IFI16: variants seen among roughly 807,000 people sequenced by gnomAD.
IFI16 encodes the protein interferon gamma inducible protein 16.
Under a neutral mutation model 68.4 loss-of-function variants are expected in IFI16, and 49 were observed. The ratio of observed to expected loss-of-function variants is 0.72; its 90% CI spans 0.57 to 0.91. The LOEUF (loss-of-function observed/expected upper bound fraction) is 0.91. Among genes scored for constraint, IFI16 ranks in the 40% least tolerant of loss-of-function variants. The pLI is 0.00. For synonymous variants in IFI16, 307 were observed against 315.0 expected, an observed-to-expected ratio of 0.97 and a Z score of 0.27; for missense variants, 878 against 942.9, an observed-to-expected ratio of 0.93 and a Z score of 0.90.
intron 4 of IFI16, 78 bp downstream of exon 4, chr1:159,016,778 A>T: frequency 7.7e-7 from 1 of 1,291,340 alleles, no homozygotes; most frequent in South Asian, 1.3e-5. Context: ...TTACTTAAAA[A>T]TTGCATCGAT....
intron 7 of IFI16, among the ~76,000 whole-genome samples, chr1:159,038,294 C>T (rs771504054): frequency 5.3e-5 from 8 of 151,984 alleles, no homozygotes; most frequent in South Asian, 4.1e-4. Flanking sequence ...GTTGGGTGTT[C>T]GAAACCATAA....
upstream of IFI16, among the ~76,000 whole-genome samples, chr1:159,008,175 G>A (rs1266260843): frequency 6.6e-6 from 1 of 152,032 alleles, no homozygotes; most frequent in African/African-American, 2.4e-5. Context: ...TTCAAAAATA[G>A]GTACATAATT....
At chr1:159,032,026 A>G (rs541840334) in intron 6 of IFI16, among the ~76,000 whole-genome samples, 183 of 152,316 alleles carry the variant, frequency 1.2e-3, no homozygotes, top group African/African-American at 4.2e-3. Context: ...ATGGAAAAAT[A>G]TTTCTTATTC....
At chr1:159,042,369 T>A (rs1221734167) in intron 7 of IFI16, among the ~76,000 whole-genome samples, 1 of 152,206 alleles carries the variant, frequency 6.6e-6, no homozygotes, top group Non-Finnish European at 1.5e-5. Context: ...TATTTTTTCC[T>A]GAATAATAAA....
chr1:159,004,988 A>C (rs935585033), upstream of IFI16, among the ~76,000 whole-genome samples: 1 of 152,238 alleles, frequency 6.6e-6, no homozygotes, highest in African/African-American at 2.4e-5. Flanking sequence ...AATAATGTTG[A>C]AACTTAGTAC....
chr1:159,027,378 CG>C (rs1653734389), intron 6 of IFI16, among the ~76,000 whole-genome samples: 1 of 152,088 alleles, frequency 6.6e-6, no homozygotes, highest in Non-Finnish European at 1.5e-5. Flanking sequence ...GGTATGAAAC[CG>C]ACTTGATCAT....
At position 159,053,466 on chromosome 1, in the gene IFI16, G is replaced by A. The variant is rs41264449; in HGVS notation, c.2086-67G>A. The stretch of plus-strand genomic sequence containing the variant: ...AGACAAAAGTTTCCAGAAACACCCT[G>A]TATTTCTCATAGATTTGAAAATTAT... On this transcript the variant is annotated intron_variant, in intron 10 of 11. Transcript: ENST00000295809. 2.5e-3 allele frequency: 2,939 copies of A among 1,196,924 alleles called. 11 individuals are homozygous for A. The highest frequency in any genetic ancestry group is 3.2e-3 in the Non-Finnish European group (2,611 of 825,514). The allele number at this position is 1,196,924 out of a possible 1,614,324, so 74.1% of individuals were successfully genotyped here. A position where few individuals can be genotyped will look rare whatever the true frequency, so the allele number is the denominator to read the frequency against.
At chr1:159,040,407 T>G (rs1273431074) in intron 7 of IFI16, among the ~76,000 whole-genome samples, 1 of 152,326 alleles carries the variant, frequency 6.6e-6, no homozygotes, top group East Asian at 1.9e-4. Context: ...TGATAGAGGA[T>G]GAGTTCAGAG....
At chr1:159,040,303 A>T (rs535873828) in intron 7 of IFI16, among the ~76,000 whole-genome samples, 1 of 152,330 alleles carries the variant, frequency 6.6e-6, no homozygotes, top group African/African-American at 2.4e-5. Flanking sequence ...ACTAAATATC[A>T]TATTGCTTAA....
In IFI16 at chr1:159,036,358, T is replaced by C. The variant is rs532439272; in HGVS notation, c.1329+3667T>C. On this transcript the variant is annotated intron_variant, in intron 7 of 11. Coordinates refer to ENST00000295809, the MANE Select transcript of IFI16 (RefSeq NM_001376587.1). The stretch of plus-strand genomic sequence containing the variant: ...AAATGTAAATTATGTGCACTTTATG[T>C]AGTTTTTCTTATTCATTCTTCCTTA... Among the ~76,000 whole-genome samples the C allele has an allele frequency of 1.1e-4, 16 of 152,346 alleles. No individual in the cohort carries two copies. The South Asian group carries it at 3.3e-3, about 32-fold the overall frequency.
At chr1:159,001,013 G>C (rs1652039988), upstream of IFI16, among the ~76,000 whole-genome samples, 1 of 152,126 alleles carries the variant, frequency 6.6e-6, no homozygotes. Flanking sequence ...GTGCAAGTCA[G>C]GAAGGGAAAG....
intron 9 of IFI16, among the ~76,000 whole-genome samples, chr1:159,051,199 G>A (rs550154581): frequency 3.9e-5 from 6 of 152,156 alleles, no homozygotes; most frequent in Admixed American, 2.6e-4. Flanking sequence ...GAAGTATGGA[G>A]GCAAGAAGGG....
rs748916757 is a variant in IFI16 at position 159,032,552 on chromosome 1, A to T, written c.1190A>T (p.Asn397Ile). ...QIKKKTNPRN[N>I]DPKSMKLPQE... ...AAGAAAAAAACAAACCCGAGAAACA[A>T]TGACCCCAAGAGCATGAAGCTACCC... Residue 397 changes from asparagine to isoleucine, a missense_variant, in exon 7 of 12, where the codon AAT (asparagine) becomes ATT (isoleucine). By Grantham distance (149) the Asn-to-Ile change is moderately radical. Transcript: ENST00000295809. The T allele has an allele frequency of 6.3e-7, 1 of 1,588,694 alleles. No homozygotes were observed. The highest frequency in any genetic ancestry group is 1.2e-5 in the South Asian group (1 of 86,844).
chr1:159,020,701 A>G (rs372285984), intron 6 of IFI16, among the ~76,000 whole-genome samples, 172 bp downstream of exon 6: 4 of 151,866 alleles, frequency 2.6e-5, no homozygotes, highest in South Asian at 2.1e-4. Context: ...TTCTGGATGG[A>G]ATGATGTGAT....
intron 7 of IFI16, among the ~76,000 whole-genome samples, chr1:159,033,578 A>G (rs1183092690): frequency 6.6e-6 from 1 of 152,218 alleles, no homozygotes; most frequent in Non-Finnish European, 1.5e-5. Context: ...CAATTCACAG[A>G]GAAGAAAATA....
Position 159,043,529 on chromosome 1 carries a change from G to A in IFI16, c.1330-1768G>A, listed in dbSNP as rs867477427. Among the ~76,000 whole-genome samples the A allele has an allele frequency of 3.9e-5, 6 of 152,284 alleles. No homozygotes were observed. In the South Asian group the frequency reaches 1.2e-3, roughly 32 times the overall value. ...TCTTCACAGGAGGCCTGCAAAAATG[G>A]TGTCTGACCAATCAGTCTGTGATTC... On this transcript the variant is annotated intron_variant, in intron 7 of 11. Coordinates refer to ENST00000295809, the MANE Select transcript of IFI16 (RefSeq NM_001376587.1).
Position 159,053,554 on chromosome 1 carries a change from A to ACCC in IFI16, c.2108_2109insCCC (p.Thr703_Tyr704insPro), listed in dbSNP as rs759733588. Reference sequence around the variant, plus strand: ...GCAGAAAAATGTAAGGGGTGAATTCACTTATTATGAAATACAAGATAATAC... The same window carrying ACCC: ...GCAGAAAAATGTAAGGGGTGAATTCACCCCTTATTATGAAATACAAGATAATAC... On this transcript the variant is annotated inframe_insertion, in exon 11 of 12. Coordinates refer to ENST00000295809, the MANE Select transcript of IFI16 (RefSeq NM_001376587.1). The ACCC allele has an allele frequency of 1.2e-6, 2 of 1,607,826 alleles. No individual in the cohort carries two copies. The highest frequency in any genetic ancestry group is 1.7e-6 in the Non-Finnish European group (2 of 1,175,734).
chr1:159,004,759 C>A (rs952723026), upstream of IFI16, among the ~76,000 whole-genome samples: 1 of 152,132 alleles, frequency 6.6e-6, no homozygotes, highest in Non-Finnish European at 1.5e-5. Flanking sequence ...AGTAGAGAAT[C>A]TCATCTTCAA....
upstream of IFI16, among the ~76,000 whole-genome samples, chr1:159,001,989 G>A (rs912476437): frequency 9.8e-5 from 15 of 152,304 alleles, no homozygotes; most frequent in Non-Finnish European, 7.4e-5. Flanking sequence ...TGTGTACAAA[G>A]TGCTTTCACA....
Sources: allele counts gnomAD v4.1 joint callset (sites outside exome capture counted in the v4.1 genomes callset), GRCh38; gene constraint gnomAD v4.1.1; transcripts MANE v1.5; gene names NCBI Gene and HGNC (gene_info 2026-07-23, HGNC 2026-07-21).